Variants in KCNQ5 observed in about 807,000 individuals in gnomAD.
The protein encoded by KCNQ5 is potassium voltage-gated channel subfamily KQT member 5.
A neutral mutation model predicts 98.2 loss-of-function variants in KCNQ5; 30 were observed. The observed-to-expected ratio is 0.31, with a 90% CI of 0.23 to 0.41. The LOEUF (loss-of-function observed/expected upper bound fraction) is 0.41. Among genes scored for constraint, KCNQ5 ranks in the 10% least tolerant of loss-of-function variants. KCNQ5 has a pLI of 1.00. For synonymous variants in KCNQ5, 458 were observed against 449.4 expected, an observed-to-expected ratio of 1.02 and a Z score of -0.24; for missense variants, 835 against 1,182.5, an observed-to-expected ratio of 0.71 and a Z score of 4.31.
intron 2 of KCNQ5, 37 bp downstream of exon 2, chr6:73,004,035 G>A: frequency 1.7e-6 from 2 of 1,194,412 alleles, no homozygotes; most frequent in Non-Finnish European, 2.5e-6. Context: ...CATGAATGTT[G>A]TATAAGAACT....
At chr6:73,035,718 T>C (rs990954172) in intron 2 of KCNQ5, among the ~76,000 whole-genome samples, 7 of 152,180 alleles carry the variant, frequency 4.6e-5, no homozygotes, top group Admixed American at 2.6e-4. Context: ...ACCCAGCATC[T>C]GGATTTGAAG....
At chr6:73,140,125 G>A (rs1650064492) in intron 10 of KCNQ5, among the ~76,000 whole-genome samples, 1 of 152,152 alleles carries the variant, frequency 6.6e-6, no homozygotes, top group African/African-American at 2.4e-5. Context: ...CAACTATCCT[G>A]AACTAACAGT....
chr6:73,103,431 A>G (rs1376323555), intron 5 of KCNQ5, among the ~76,000 whole-genome samples: 2 of 151,682 alleles, frequency 1.3e-5, no homozygotes, highest in Non-Finnish European at 2.9e-5. Context: ...TGGGAATTGA[A>G]CAATGAGAAC....
At chr6:73,009,987 AAT>A (rs1479694296) in intron 2 of KCNQ5, among the ~76,000 whole-genome samples, 1 of 152,156 alleles carries the variant, frequency 6.6e-6, no homozygotes, top group African/African-American at 2.4e-5. Flanking sequence ...CTATTCCAAA[AAT>A]ATAAAAAAGA....
chr6:72,831,272 A>G (rs1484096538), intron 1 of KCNQ5, among the ~76,000 whole-genome samples: 1 of 152,220 alleles, frequency 6.6e-6, no homozygotes, highest in African/African-American at 2.4e-5. Flanking sequence ...ATAAAGACAC[A>G]TGCACACATA....
chr6:72,886,153 T>C (rs1457959878), intron 1 of KCNQ5, among the ~76,000 whole-genome samples: 2 of 152,194 alleles, frequency 1.3e-5, no homozygotes, highest in Non-Finnish European at 2.9e-5. Context: ...AGATTGCAGA[T>C]AGTGTGTCAG....
intron 1 of KCNQ5, chr6:72,640,816 A>G (rs945840070): frequency 3.9e-5 from 6 of 152,184 alleles, no homozygotes; most frequent in Non-Finnish European, 7.3e-5. Context: ...TCAATCCTGT[A>G]TAGAAATGAC....
intron 1 of KCNQ5, among the ~76,000 whole-genome samples, chr6:72,984,794 G>A (rs146483212): frequency 3.9e-5 from 6 of 152,282 alleles, no homozygotes; most frequent in South Asian, 2.1e-4. Flanking sequence ...CTTCTGTGTC[G>A]ATCACACTGG....
chr6:72,928,184 A>G (rs935675030), intron 1 of KCNQ5, among the ~76,000 whole-genome samples: 5 of 152,060 alleles, frequency 3.3e-5, no homozygotes, highest in African/African-American at 1.2e-4. Flanking sequence ...TACAAAACAG[A>G]TCTGAACTTC....
intron 3 of KCNQ5, among the ~76,000 whole-genome samples, chr6:73,068,356 C>G (rs1429848611): frequency 6.6e-6 from 1 of 152,026 alleles, no homozygotes; most frequent in Non-Finnish European, 1.5e-5. Context: ...TCCTGCTATC[C>G]TGCTATGTAA....
intron 1 of KCNQ5, among the ~76,000 whole-genome samples, chr6:72,963,774 T>A (rs1767482984): frequency 6.6e-6 from 1 of 152,190 alleles, no homozygotes; most frequent in Non-Finnish European, 1.5e-5. Flanking sequence ...GCAATTCTCG[T>A]GCCTCAGCCT....
At chr6:72,798,285 G>A (rs1055737544) in intron 1 of KCNQ5, among the ~76,000 whole-genome samples, 4 of 152,144 alleles carry the variant, frequency 2.6e-5, no homozygotes, top group Non-Finnish European at 5.9e-5. Flanking sequence ...TGGTATTATG[G>A]TTTGAAGGTA....
intron 2 of KCNQ5, among the ~76,000 whole-genome samples, chr6:73,011,984 A>T (rs563777837): frequency 3.4e-4 from 51 of 152,222 alleles, no homozygotes; most frequent in African/African-American, 9.1e-4. Context: ...GTTGGTGAGG[A>T]TGTGGGAAAA....
At chr6:72,668,027 T>C (rs2154473211) in intron 1 of KCNQ5, among the ~76,000 whole-genome samples, 1 of 152,312 alleles carries the variant, frequency 6.6e-6, no homozygotes, top group South Asian at 2.1e-4. Context: ...TGAAAAAACC[T>C]TGAAATTCAA....
intron 1 of KCNQ5, among the ~76,000 whole-genome samples, chr6:72,688,176 C>T (rs181900345): frequency 1.4e-4 from 22 of 152,256 alleles, no homozygotes; most frequent in African/African-American, 5.1e-4. Context: ...AGAGTTTACA[C>T]TTTATACTGA....
chr6:73,195,060 G>C lies in KCNQ5; in HGVS notation c.2445G>C (p.Leu815=), dbSNP rs1765735571. 6.2e-7 allele frequency: 1 copy of C among 1,614,200 alleles called. No homozygotes were observed. The highest frequency in any genetic ancestry group is 2.2e-5 in the East Asian group (1 of 44,886). The change falls in exon 14 of 14, where the codon CTG becomes CTC. Residue 815 remains leucine (L), a synonymous_variant. Transcript: ENST00000370398. ...GCTTTGACATGGGAGGAGAAACTCT[G>C]TTGTCTGTCTGTCCCATGGTGCCGA... ...RKSFDMGGET[L]LSVCPMVPKD...
rs1554208513 is a variant in KCNQ5, at chr6:73,097,142, C to CATATATATATATATACAT, written c.919-8100_919-8099insCATATATATATATATATA. Among the ~76,000 whole-genome samples, 46 of 121,858 alleles carry CATATATATATATATACAT rather than the reference C, an allele frequency of 3.8e-4. 1 individual carries two copies. The highest frequency in any genetic ancestry group is 5.8e-4 in the Non-Finnish European group (33 of 56,542). The allele number at this position is 121,858 out of a possible 152,430, so 79.9% of individuals were successfully genotyped here. A position where few individuals can be genotyped will look rare whatever the true frequency, so the allele number is the denominator to read the frequency against. On this transcript the variant is annotated intron_variant, in intron 5 of 13. Coordinates refer to ENST00000370398, the MANE Select transcript of KCNQ5 (RefSeq NM_019842.4). The stretch of plus-strand genomic sequence containing the variant: ...ATTCACCACACTGTGCAATAGATCT[C>CATATATATATATATACAT]ATATATATATATATATACACACACA...
At position 72,702,763 on chromosome 6, in the gene KCNQ5, C is replaced by T. The variant is rs1768884208; in HGVS notation, c.398+80176C>T. Among the ~76,000 whole-genome samples the T allele has an allele frequency of 2.0e-5, 3 of 152,136 alleles. No homozygotes were observed. The South Asian group carries it at 6.2e-4, about 32-fold the overall frequency. On this transcript the variant is annotated intron_variant, in intron 1 of 13. Transcript: ENST00000370398. ...ATTGCAATTGATTTAAAAAAATGGC[C>T]ACTTTACGGTATGATTTCACTTCGT...
rs1765556924 is a variant in KCNQ5, at chr6:73,190,567, A to T, written c.1578-6A>T. The T allele has an allele frequency of 6.9e-7, 1 of 1,451,850 alleles. No homozygotes were observed. The highest frequency in any genetic ancestry group is 9.4e-7 in the Non-Finnish European group (1 of 1,059,428). 89.9% of individuals were successfully genotyped at this position (1,451,850 alleles called of 1,614,324 possible). ...AAAGATTAATATGTAATATGTTCTC[A>T]TACAGAATTATGAAATTTCATGTTG... is the stretch of plus-strand genomic sequence containing the variant. On this transcript the variant is annotated splice_polypyrimidine_tract_variant and splice_region_variant and intron_variant, in intron 11 of 13. Coordinates refer to ENST00000370398, the MANE Select transcript of KCNQ5 (RefSeq NM_019842.4).
Sources: gnomAD v4.1 joint callset for allele counts (sites outside exome capture counted in the v4.1 genomes callset) on GRCh38, gnomAD v4.1.1 for gene constraint, MANE v1.5 for transcripts, NCBI Gene and HGNC (gene_info 2026-07-23, HGNC 2026-07-21) for gene names.